The following BMPER variants were observed in gnomAD, a reference collection of about 807,000 sequenced individuals.
The protein encoded by BMPER is BMP binding endothelial regulator.
Under a neutral mutation model 87.3 loss-of-function variants are expected in BMPER, and 45 were observed. The observed-to-expected ratio is 0.52, with a 90% CI of 0.41 to 0.66. BMPER has a LOEUF of 0.66. BMPER is among the 30% of genes least tolerant of loss of function. The pLI, the probability that BMPER is intolerant of heterozygous loss-of-function variation, is 0.00. For synonymous variants in BMPER, 326 were observed against 316.2 expected (o/e 1.03, Z -0.33); for missense variants, 784 against 867.5 (o/e 0.90, Z 1.21).
At position 33,970,490 on chromosome 7, in the gene BMPER, C is replaced by T. The variant is rs1785515454; in HGVS notation, c.493+71C>T. 2.7e-6 allele frequency: 4 copies of T among 1,487,072 alleles called. No individual in the cohort carries two copies. In the African/African-American group the frequency reaches 4.2e-5, roughly 15 times the overall value. The allele number at this position is 1,487,072 out of a possible 1,614,324, so 92.1% of individuals were successfully genotyped here. ...TCAGGAATGCATGAATCTCCCAACC[C>T]CTCTTGTTGGAAATTTTCCTCACTT... is the stretch of plus-strand genomic sequence containing the variant. On this transcript the variant is annotated intron_variant, in intron 5 of 14. Transcript: ENST00000649409.
In BMPER at chr7:34,070,983, T is replaced by C. The variant is rs572318339; in HGVS notation, c.1079-7874T>C. Among the ~76,000 whole-genome samples, 7 of 152,216 alleles carry C rather than the reference T, an allele frequency of 4.6e-5. No individual in the cohort carries two copies. The East Asian group carries it at 1.4e-3, about 29-fold the overall frequency. On this transcript the variant is annotated intron_variant, in intron 11 of 14. Coordinates refer to ENST00000649409, the MANE Select transcript of BMPER (RefSeq NM_001365308.1). ...ATTTATTTAGACAACTTGGGTGTCT[T>C]GTATCTCCCGAAGCAGCTCTGCACT...
chr7:33,928,318 C>T (rs1268841165), intron 2 of BMPER, among the ~76,000 whole-genome samples: 2 of 152,104 alleles, frequency 1.3e-5, no homozygotes, highest in Non-Finnish European at 2.9e-5. Flanking sequence ...TGACAGGGCC[C>T]ACGGGGCTCG....
At chr7:33,937,209 G>A in intron 2 of BMPER, 80 bp from the exon 3 acceptor site, 2 of 1,464,452 alleles carry the variant, frequency 1.4e-6, no homozygotes, top group Non-Finnish European at 1.9e-6. Context: ...GTGGGGCTCG[G>A]GAAACCTCTG....
At chr7:34,142,338 C>A (rs117081456) in intron 13 of BMPER, among the ~76,000 whole-genome samples, 2,251 of 152,232 alleles carry the variant, frequency 0.015, 28 homozygotes, top group Middle Eastern at 0.037. Context: ...TGTAAAATGA[C>A]CCCTTCATTT....
intron 6 of BMPER, among the ~76,000 whole-genome samples, chr7:33,993,646 G>T (rs2127928815): frequency 6.6e-6 from 1 of 152,154 alleles, no homozygotes; most frequent in East Asian, 1.9e-4. Flanking sequence ...ATCCAGCTTT[G>T]TTCCGTTGCT....
chr7:34,060,272 CGTA>C (rs1301286632), intron 10 of BMPER, among the ~76,000 whole-genome samples: 2 of 151,710 alleles, frequency 1.3e-5, no homozygotes, highest in East Asian at 1.9e-4. Context: ...TGTAGGGAAT[CGTA>C]GTCACATTTG....
At chr7:34,043,817 C>T (rs1787891906) in intron 6 of BMPER, among the ~76,000 whole-genome samples, 1 of 152,148 alleles carries the variant, frequency 6.6e-6, no homozygotes, top group Non-Finnish European at 1.5e-5. Flanking sequence ...AGAGTTGAGG[C>T]AGAGAAGCCA....
At chr7:34,040,371 C>G (rs1787802054) in intron 6 of BMPER, among the ~76,000 whole-genome samples, 2 of 152,160 alleles carry the variant, frequency 1.3e-5, no homozygotes, top group African/African-American at 4.8e-5. Context: ...TGCAGAGCCT[C>G]AGCTTCAACA....
At chr7:34,018,726 T>C (rs1407623685) in intron 6 of BMPER, among the ~76,000 whole-genome samples, 1 of 151,920 alleles carries the variant, frequency 6.6e-6, no homozygotes, top group African/African-American at 2.4e-5. Flanking sequence ...AGAGGAACCA[T>C]GTTACAGTGG....
rs746558298 is a variant in BMPER at position 33,966,573 on chromosome 7, T to C, written c.402+12T>C. Reference sequence around the variant, plus strand: ...TACGCCAGTGCCAGGTAAAGTTCAATTATTTCTCTCTCCAGTAAAAAGGAA... The same window carrying C: ...TACGCCAGTGCCAGGTAAAGTTCAACTATTTCTCTCTCCAGTAAAAAGGAA... On this transcript the variant is annotated intron_variant, in intron 4 of 14. Coordinates refer to ENST00000649409, the MANE Select transcript of BMPER (RefSeq NM_001365308.1). The C allele has an allele frequency of 6.2e-7, 1 of 1,611,732 alleles. No homozygotes were observed. Among genetic ancestry groups the C allele is most frequent in the Non-Finnish European group, 8.5e-7 (1 of 1,177,942 alleles).
rs1436392428 is a variant in BMPER at position 34,046,414 on chromosome 7, C to CTA, written c.676+11_676+12dup. On this transcript the variant is annotated intron_variant, in intron 7 of 14. Coordinates refer to ENST00000649409, the MANE Select transcript of BMPER (RefSeq NM_001365308.1). ...CTGCCCCAAATGTTTGGGTGAGTTA[C>CTA]TATTTTCAGGTCAAAGAACAATGTA... 1 of 1,608,648 alleles carries CTA rather than the reference C, an allele frequency of 6.2e-7. No homozygotes were observed. Among genetic ancestry groups the CTA allele is most frequent in the African/African-American group, 1.3e-5 (1 of 74,904 alleles).
intron 3 of BMPER, among the ~76,000 whole-genome samples, chr7:33,957,351 C>T (rs1785171051): frequency 1.3e-5 from 2 of 149,642 alleles, no homozygotes; most frequent in African/African-American, 4.9e-5. Context: ...AAGAGTCAAC[C>T]TCAAAAGGCT....
At position 34,055,226 on chromosome 7, in the gene BMPER, G is replaced by C; in HGVS notation, c.850G>C (p.Gly284Arg). 1 of 1,614,132 alleles carries C rather than the reference G, an allele frequency of 6.2e-7. No individual in the cohort carries two copies. The highest frequency in any genetic ancestry group is 8.5e-7 in the Non-Finnish European group (1 of 1,180,028). Residue 284 changes from glycine to arginine, a missense_variant, in exon 9 of 15, where the codon GGC becomes CGC. Coordinates refer to ENST00000649409, the MANE Select transcript of BMPER (RefSeq NM_001365308.1). ...TGGTGGCTGTGACCAAGGCCAGGAG[G>C]GCTGTTGTGAAGAGTGCCTCCTACG... is the stretch of plus-strand genomic sequence containing the variant. ...HPGGCDQGQE[G>R]CCEECLLRVP...
At chr7:34,122,676 G>A (rs146143789) in intron 13 of BMPER, among the ~76,000 whole-genome samples, 2 of 152,254 alleles carry the variant, frequency 1.3e-5, no homozygotes, top group African/African-American at 4.8e-5. Flanking sequence ...TGAGAATTTT[G>A]GTTTTGCATT....
chr7:34,078,330 T>G (rs1479219758), intron 11 of BMPER, among the ~76,000 whole-genome samples: 5 of 152,194 alleles, frequency 3.3e-5, no homozygotes, highest in Non-Finnish European at 7.3e-5. Context: ...TGTTTGGCAG[T>G]TCTATTGATT....
intron 6 of BMPER, 113 bp from the exon 7 acceptor site, chr7:34,046,193 G>GGGACCTAATACTATGGAAAA: frequency 1.0e-6 from 1 of 989,684 alleles, no homozygotes; most frequent in Non-Finnish European, 1.6e-6. Flanking sequence ...TGAGCAGTCA[G>GGGACCTAATACTATGGAAAA]TCTAGGGACC....
intron 14 of BMPER, 22 bp downstream of exon 14, chr7:34,143,382 T>C (rs773833976): frequency 6.2e-7 from 1 of 1,613,444 alleles, no homozygotes; most frequent in Non-Finnish European, 8.5e-7. Flanking sequence ...CTGCTGGATC[T>C]ACCCATCAAA....
intron 10 of BMPER, among the ~76,000 whole-genome samples, chr7:34,060,488 C>A (rs142716520): frequency 6.6e-6 from 1 of 152,256 alleles, no homozygotes; most frequent in African/African-American, 2.4e-5. Context: ...TTGTGATGCC[C>A]CCACACTATG....
intron 3 of BMPER, among the ~76,000 whole-genome samples, chr7:33,962,883 C>T (rs190932677): frequency 6.6e-6 from 1 of 152,018 alleles, no homozygotes. Context: ...ATTCCAGTCA[C>T]TTACTCTTTT....
Sources: gnomAD v4.1 joint callset for allele counts (sites outside exome capture counted in the v4.1 genomes callset) on GRCh38, gnomAD v4.1.1 for gene constraint, MANE v1.5 for transcripts, NCBI Gene and HGNC (gene_info 2026-07-23, HGNC 2026-07-21) for gene names.